Variants in EVC observed in about 807,000 individuals in gnomAD.
EVC encodes the protein EvC ciliary complex subunit 1.
EVC carries 116 observed loss-of-function variants against 118.9 expected under a neutral mutation model. That is an observed-to-expected ratio of 0.98 (90% CI 0.84 to 1.14). The LOEUF (loss-of-function observed/expected upper bound fraction) is 1.14, where lower values mean the gene tolerates loss of function less well. Ranked by LOEUF, EVC falls within the 50% of genes most tolerant of loss-of-function variation. The pLI is 0.00. For missense variants in EVC, 1,401 were observed against 1,246.4 expected, an observed-to-expected ratio of 1.12 and a Z score of -1.87; for synonymous variants, 619 against 534.7, an observed-to-expected ratio of 1.16 and a Z score of -2.18.
chr4:5,809,392 C>A (rs1405217651), intron 18 of EVC, 126 bp from the exon 19 acceptor site: 2 of 805,812 alleles, frequency 2.5e-6, no homozygotes, highest in Non-Finnish European at 4.3e-6. Context: ...TTGGAAAATT[C>A]TCCTCCACAC....
chr4:5,744,984 T>TTTTTTTA, intron 6 of EVC, among the ~76,000 whole-genome samples: 1 of 146,898 alleles, frequency 6.8e-6, no homozygotes, highest in Non-Finnish European at 1.5e-5. Flanking sequence ...TTTTTTTTTT[T>TTTTTTTA]GAGGGAGGAT....
At chr4:5,770,777 G>C (rs577802810) in intron 11 of EVC, among the ~76,000 whole-genome samples, 1 of 152,066 alleles carries the variant, frequency 6.6e-6, no homozygotes, top group Non-Finnish European at 1.5e-5. Flanking sequence ...TTGGGAGGCC[G>C]AGGTGGGCAG....
intron 11 of EVC, among the ~76,000 whole-genome samples, chr4:5,776,118 T>C (rs1480170): frequency 0.35 from 52,852 of 151,928 alleles, 9,469 homozygotes; most frequent in Admixed American, 0.46. Flanking sequence ...AAAATGCTTT[T>C]ATCTTCCTCT....
chr4:5,760,946 A>G (rs1418682379), intron 11 of EVC, among the ~76,000 whole-genome samples: 6 of 152,174 alleles, frequency 3.9e-5, no homozygotes, highest in Non-Finnish European at 8.8e-5. Flanking sequence ...TTTAGGTTCC[A>G]GGTCGCCTGG....
rs200899957 is a variant in EVC at position 5,798,593 on chromosome 4, G to T, written c.2105G>T (p.Arg702Leu). Residue 702 changes from arginine to leucine, a missense_variant, in exon 15 of 21, where the codon CGT becomes CTT. Transcript: ENST00000264956. The surrounding 1 kb of genome is among the most constrained non-coding windows in gnomAD (Gnocchi z 4.1). ...CAGTCCTTTCCCTCCCAGGAGGCGC[G>T]TGTGCTGGAGGAGGCCAGCCGGCTA... is the stretch of plus-strand genomic sequence containing the variant. ...QWQLLRALEA[R>L]VLEEASRLEE... is the part of the protein sequence containing the mutation. 3.8e-6 allele frequency: 6 copies of T among 1,566,704 alleles called. No individual in the cohort carries two copies. Among genetic ancestry groups the T allele is most frequent in the East Asian group, 4.7e-5 (2 of 42,132 alleles).
chr4:5,723,082 G>A (rs1202675134), intron 2 of EVC, among the ~76,000 whole-genome samples: 2 of 152,206 alleles, frequency 1.3e-5, no homozygotes, highest in Non-Finnish European at 2.9e-5. Context: ...ATCAGGTGGA[G>A]CCTTCCTGCC....
rs1352431562 is a variant in EVC, at chr4:5,755,918, G to T, written c.1465-346G>T. Among the ~76,000 whole-genome samples, 1 of 152,166 alleles carries T rather than the reference G, an allele frequency of 6.6e-6. No individual in the cohort carries two copies. Among genetic ancestry groups the T allele is most frequent in the Non-Finnish European group, 1.5e-5 (1 of 68,034 alleles). On this transcript the variant is annotated intron_variant, in intron 10 of 20. Transcript: ENST00000264956. This position sits in a 1 kb window ranked among gnomAD's most constrained non-coding sequence, Gnocchi z 4.1. ...TCGCCAGTCTGTGTCACCCCTGCTGGGTTCCCATCAGTGGGTCTTCCATGG... is the reference window on the plus strand; with the variant it reads ...TCGCCAGTCTGTGTCACCCCTGCTGTGTTCCCATCAGTGGGTCTTCCATGG...
In EVC at chr4:5,719,313, C is replaced by G; in HGVS notation, c.240C>G (p.Gly80=). Residue 80 remains glycine, a synonymous_variant, in exon 2 of 21, where the codon GGC becomes GGG. Coordinates refer to ENST00000264956, the MANE Select transcript of EVC (RefSeq NM_153717.3). This position sits in a 1 kb window ranked among gnomAD's most constrained non-coding sequence, Gnocchi z 4.7. ...ATGCGCAGACCCCCTCGGAAACTGG[C>G]TCCCCATCAAGGAGGAGGAAGAGAG... ...ESNAQTPSET[G]SPSRRRKREV... 3.7e-6 allele frequency: 6 copies of G among 1,614,154 alleles called. No individual in the cohort carries two copies. The highest frequency in any genetic ancestry group is 5.1e-6 in the Non-Finnish European group (6 of 1,180,036).
At chr4:5,799,007 C>T (rs1714494487) in intron 15 of EVC, among the ~76,000 whole-genome samples, 1 of 152,158 alleles carries the variant, frequency 6.6e-6, no homozygotes, top group African/African-American at 2.4e-5. Context: ...CGGTTCTCCC[C>T]CTGCTGTTAG....
Position 5,755,115 on chromosome 4 carries a change from G to A in EVC, c.1465-1149G>A, listed in dbSNP as rs1237632179. On this transcript the variant is annotated intron_variant, in intron 10 of 20. Transcript: ENST00000264956. The surrounding 1 kb of genome is among the most constrained non-coding windows in gnomAD (Gnocchi z 4.1). ...TTCCAGGCCCATACTTGGAGCTTCTGCATTTGCCACAAAGGGGTAGGGTAG... is the reference window on the plus strand; with the variant it reads ...TTCCAGGCCCATACTTGGAGCTTCTACATTTGCCACAAAGGGGTAGGGTAG... Among the ~76,000 whole-genome samples the A allele has an allele frequency of 2.6e-5, 4 of 152,154 alleles. No homozygotes were observed. The highest frequency in any genetic ancestry group is 4.4e-5 in the Non-Finnish European group (3 of 68,034).
At position 5,785,820 on chromosome 4, in the gene EVC, C is replaced by T. The variant is rs569517398; in HGVS notation, c.1776+2056C>T. ...AGTGTTGCCTTTGCCCTGTATTCTT[C>T]GAAGGGATCTAAATGAAGCTGAATT... is the stretch of plus-strand genomic sequence containing the variant. On this transcript the variant is annotated intron_variant, in intron 12 of 20. Transcript: ENST00000264956. 2.8e-4 allele frequency among the ~76,000 whole-genome samples: 42 copies of T among 152,316 alleles called. 1 individual carries two copies. Among genetic ancestry groups the T allele is most frequent in the South Asian group, 8.3e-4 (4 of 4,822 alleles).
rs1717320370 is a variant in EVC at position 5,814,158 on chromosome 4, C to G, written c.*3121C>G. On this transcript the variant is annotated 3_prime_UTR_variant, in exon 21 of 21. Transcript: ENST00000264956. The stretch of plus-strand genomic sequence containing the variant: ...TCAGCAGTGCAGCCCCAGGATGCCT[C>G]GCAGGTACCCTGCCTCCATTTTGGT... 1 of 152,406 alleles carries G rather than the reference C, an allele frequency of 6.6e-6. No individual in the cohort carries two copies. Among genetic ancestry groups the G allele is most frequent in the East Asian group, 1.9e-4 (1 of 5,164 alleles). The allele number at this position is 152,406 out of a possible 1,614,324, so 9.4% of individuals were successfully genotyped here. A position where few individuals can be genotyped will look rare whatever the true frequency, so the allele number is the denominator to read the frequency against.
At chr4:5,778,073 G>A (rs1357169039) in intron 11 of EVC, among the ~76,000 whole-genome samples, 1 of 149,532 alleles carries the variant, frequency 6.7e-6, no homozygotes, top group South Asian at 2.1e-4. Flanking sequence ...CCACCTATGA[G>A]TGAGAATATG....
In EVC at chr4:5,711,490, C is replaced by T. The variant is rs1251052449; in HGVS notation, c.110C>T (p.Ala37Val). ...GCCCCCGCCGTGCTGCTGGGCGCCG[C>T]GCTCGGCCTCGGCCTCGGCCTTTGG... ...LLAPAVLLGA[A>V]LGLGLGLWLG... The change falls in exon 1 of 21, where the codon GCG (alanine) becomes GTG (valine). Residue 37 changes from alanine (A) to valine (V), a missense_variant. Ala to Val is a moderately conservative substitution (Grantham distance 64). Coordinates refer to ENST00000264956, the MANE Select transcript of EVC (RefSeq NM_153717.3). 3 of 1,120,602 alleles carry T rather than the reference C, an allele frequency of 2.7e-6. No individual in the cohort carries two copies. The highest frequency in any genetic ancestry group is 3.3e-6 in the Non-Finnish European group (3 of 918,650). 69.4% of individuals were successfully genotyped at this position (1,120,602 alleles called of 1,614,324 possible).
chr4:5,751,323 C>T (rs1001678445), intron 8 of EVC, among the ~76,000 whole-genome samples: 1 of 152,176 alleles, frequency 6.6e-6, no homozygotes, highest in African/African-American at 2.4e-5. Flanking sequence ...CCTCTTCTCA[C>T]GCCACTCTCT....
chr4:5,817,936 C>T (rs1227636648), downstream of EVC, among the ~76,000 whole-genome samples: 2 of 152,162 alleles, frequency 1.3e-5, no homozygotes, highest in East Asian at 3.9e-4. Flanking sequence ...CCCATTCTGT[C>T]TCACTTTTTA....
chr4:5,802,006 C>T lies in EVC; in HGVS notation c.2361C>T (p.Ser787=), dbSNP rs1412709981. The T allele has an allele frequency of 6.2e-7, 1 of 1,614,130 alleles. No individual in the cohort carries two copies. The highest frequency in any genetic ancestry group is 8.5e-7 in the Non-Finnish European group (1 of 1,180,008). Residue 787 remains serine, a synonymous_variant, in exon 16 of 21, where the codon AGC becomes AGT. Coordinates refer to ENST00000264956, the MANE Select transcript of EVC (RefSeq NM_153717.3). ...ESVYVTSAGV[S]RLVQAYYQQI... is the part of the protein sequence containing the mutation. ...TCTACGTGACCAGCGCTGGTGTCAG[C>T]CGCCTGGTGCAGGCGTATTACCAGC...
chr4:5,751,174 T>G (rs1436891564), intron 8 of EVC, among the ~76,000 whole-genome samples: 1 of 152,240 alleles, frequency 6.6e-6, no homozygotes, highest in Non-Finnish European at 1.5e-5. Context: ...TTTGACTTAC[T>G]TAATCCTCAT....
At position 5,733,440 on chromosome 4, in the gene EVC, G is replaced by T. The variant is rs933295872; in HGVS notation, c.702+5G>T. 2 of 1,613,234 alleles carry T rather than the reference G, an allele frequency of 1.2e-6. No homozygotes were observed. The highest frequency in any genetic ancestry group is 1.7e-6 in the Non-Finnish European group (2 of 1,179,236). On this transcript the variant is annotated splice_donor_5th_base_variant and intron_variant, in intron 5 of 20. Coordinates refer to ENST00000264956, the MANE Select transcript of EVC (RefSeq NM_153717.3). ...CTGAGGCAGGAAAAGCATATGGTAGGTGGAGATGTTCGCATTCCCTCCTTT... is the reference window on the plus strand; with the variant it reads ...CTGAGGCAGGAAAAGCATATGGTAGTTGGAGATGTTCGCATTCCCTCCTTT...
Sources: gnomAD v4.1 joint callset for allele counts (sites outside exome capture counted in the v4.1 genomes callset) on GRCh38, gnomAD v4.1.1 for gene constraint, Gnocchi (gnomAD v3.1) non-coding constraint, MANE v1.5 for transcripts, NCBI Gene and HGNC (gene_info 2026-07-23, HGNC 2026-07-21) for gene names.